Variants in GTF3C1 observed in about 807,000 individuals in gnomAD.
GTF3C1 encodes the protein general transcription factor 3C polypeptide 1.
A neutral mutation model predicts 226.7 loss-of-function variants in GTF3C1; 57 were observed. That is an observed-to-expected ratio of 0.25 (90% confidence interval 0.20 to 0.31). The LOEUF (loss-of-function observed/expected upper bound fraction) is 0.31, where lower values mean the gene tolerates loss of function less well. Ranked by LOEUF, GTF3C1 falls within the 10% of genes least tolerant of loss-of-function variation. The pLI is 1.00. For synonymous variants in GTF3C1, 1,090 were observed against 1,084.8 expected, an observed-to-expected ratio of 1.00 and a Z score of -0.09; for missense variants, 2,217 against 2,776.1, an observed-to-expected ratio of 0.80 and a Z score of 4.53.
chr16:27,505,862 T>C (rs757977672), intron 10 of GTF3C1, 37 bp downstream of exon 10: 2 of 1,159,458 alleles, frequency 1.7e-6, no homozygotes, highest in Non-Finnish European at 2.6e-6. Context: ...CACAGACTCC[T>C]TCTTGGAGAC....
In GTF3C1 at chr16:27,461,309, G is replaced by T; in HGVS notation, c.*41C>A. 2 of 1,311,306 alleles carry T rather than the reference G, an allele frequency of 1.5e-6. No individual in the cohort carries two copies. Among genetic ancestry groups the T allele is most frequent in the Non-Finnish European group, 2.2e-6 (2 of 920,296 alleles). The allele number at this position is 1,311,306 out of a possible 1,614,324, so 81.2% of individuals were successfully genotyped here. A position where few individuals can be genotyped will look rare whatever the true frequency, so the allele number is the denominator to read the frequency against. On this transcript the variant is annotated 3_prime_UTR_variant, in exon 37 of 37. Transcript: ENST00000356183. The surrounding 1 kb of genome is among the most constrained non-coding windows in gnomAD (Gnocchi z 5.3). ...GCCGAGCACCAGGCAGGAGTGGTGT[G>T]GCAGGCGGTGGCTGGGAGGGAGGGG...
chr16:27,511,638 C>T lies in GTF3C1; in HGVS notation c.1126+111G>A, dbSNP rs113717768. ...CCCTTCTGGGGAACCAAGGCACTTC[C>T]CATTGTATTACATTCTCTATAGCAG... On this transcript the variant is annotated intron_variant, in intron 7 of 36. Transcript: ENST00000356183. The T allele has an allele frequency of 1.8e-3, 2,069 of 1,167,676 alleles. 28 individuals are homozygous for T. In the African/African-American group the frequency reaches 0.028, roughly 16 times the overall value. 72.3% of individuals were successfully genotyped at this position (1,167,676 alleles called of 1,614,324 possible). A position where few individuals can be genotyped will look rare whatever the true frequency, so the allele number is the denominator to read the frequency against.
At chr16:27,543,175 C>A (rs2089113384) in intron 2 of GTF3C1, among the ~76,000 whole-genome samples, 1 of 152,158 alleles carries the variant, frequency 6.6e-6, no homozygotes, top group Admixed American at 6.5e-5. Context: ...CACCTGAGGT[C>A]AGGTGTTCAA....
At chr16:27,505,680 G>A (rs539078462) in intron 10 of GTF3C1, among the ~76,000 whole-genome samples, 9 of 152,322 alleles carry the variant, frequency 5.9e-5, no homozygotes, top group Admixed American at 5.9e-4. Context: ...AAGCCACTGG[G>A]TGGATAACCA....
At chr16:27,514,251 C>T (rs914583560) in intron 6 of GTF3C1, among the ~76,000 whole-genome samples, 17 of 152,354 alleles carry the variant, frequency 1.1e-4, no homozygotes, top group Non-Finnish European at 2.2e-4. Context: ...CTGCTGGCTC[C>T]CCGCCGGGGC....
chr16:27,532,482 C>T lies in GTF3C1; in HGVS notation c.849+809G>A, dbSNP rs116318662. On this transcript the variant is annotated intron_variant, in intron 5 of 36. Transcript: ENST00000356183. ...CATGTTGTTTTCCTCCCATCTCTAA[C>T]GTTGGCTCTTTCCTGACTTGCACTG... Among the ~76,000 whole-genome samples the T allele has an allele frequency of 6.7e-3, 1,017 of 152,342 alleles. 15 individuals carry two copies. The highest frequency in any genetic ancestry group is 0.023 in the African/African-American group (973 of 41,572).
intron 2 of GTF3C1, among the ~76,000 whole-genome samples, chr16:27,543,946 G>A (rs1000458928): frequency 1.3e-5 from 2 of 152,110 alleles, no homozygotes; most frequent in African/African-American, 4.8e-5. Context: ...GAGGTGAAGA[G>A]GGAGAAACAG....
At chr16:27,549,483 C>T (rs954541879) in intron 1 of GTF3C1, among the ~76,000 whole-genome samples, 187 bp downstream of exon 1, 2 of 152,188 alleles carry the variant, frequency 1.3e-5, no homozygotes, top group African/African-American at 4.8e-5. Flanking sequence ...CCGCCAACTC[C>T]ATCGGACTCC....
chr16:27,474,651 T>C (rs1026005287), intron 29 of GTF3C1, among the ~76,000 whole-genome samples: 8 of 152,218 alleles, frequency 5.3e-5, no homozygotes, highest in African/African-American at 1.9e-4. Flanking sequence ...GACTGTTTAT[T>C]TGGAACTTCA....
chr16:27,520,176 G>A (rs942279506), intron 6 of GTF3C1, among the ~76,000 whole-genome samples: 1 of 152,152 alleles, frequency 6.6e-6, no homozygotes, highest in South Asian at 2.1e-4. Context: ...GAGTGCAGTG[G>A]CGTGATCGGC....
intron 22 of GTF3C1, 22 bp downstream of exon 22, chr16:27,488,532 G>A: frequency 6.2e-7 from 1 of 1,604,392 alleles, no homozygotes; most frequent in Non-Finnish European, 8.5e-7. Context: ...TAACTTCTGG[G>A]GTGAACTCCC....
At chr16:27,546,006 G>A (rs2089156506) in intron 1 of GTF3C1, among the ~76,000 whole-genome samples, 1 of 151,978 alleles carries the variant, frequency 6.6e-6, no homozygotes, top group Non-Finnish European at 1.5e-5. Context: ...GTGCCACCAC[G>A]CCCGGCTAAT....
At chr16:27,480,736 T>G in intron 27 of GTF3C1, 1 of 259,616 alleles carries the variant, frequency 3.9e-6, no homozygotes. Context: ...CCCTCCTATG[T>G]TCAAATCCTG....
chr16:27,476,410 G>T, intron 29 of GTF3C1, 41 bp downstream of exon 29: 1 of 1,281,334 alleles, frequency 7.8e-7, no homozygotes, highest in Non-Finnish European at 1.1e-6. Flanking sequence ...GCCTCGGAAG[G>T]GCCCACATCC....
intron 7 of GTF3C1, among the ~76,000 whole-genome samples, chr16:27,510,794 C>T (rs77447649): frequency 6.6e-6 from 1 of 152,146 alleles, no homozygotes; most frequent in Non-Finnish European, 1.5e-5. Flanking sequence ...GTTAGGGGAC[C>T]TGGGGGAAGG....
chr16:27,466,358 T>C (rs1415545352), intron 32 of GTF3C1: 2 of 152,238 alleles, frequency 1.3e-5, no homozygotes, highest in African/African-American at 4.8e-5. Flanking sequence ...CAGTGATCTT[T>C]GCCCTTACTA....
intron 1 of GTF3C1, among the ~76,000 whole-genome samples, chr16:27,546,650 G>A (rs779105510): frequency 6.6e-6 from 1 of 151,908 alleles, no homozygotes; most frequent in Non-Finnish European, 1.5e-5. Flanking sequence ...TGCTTGTCGA[G>A]TTTTATTTTG....
chr16:27,530,473 G>A (rs560893021), intron 5 of GTF3C1, among the ~76,000 whole-genome samples: 6 of 152,288 alleles, frequency 3.9e-5, no homozygotes, highest in Middle Eastern at 3.4e-3. Flanking sequence ...CCAGCAGAAA[G>A]AGAAAGAGGC....
chr16:27,498,572 G>A, intron 13 of GTF3C1, 58 bp downstream of exon 13: 1 of 855,762 alleles, frequency 1.2e-6, no homozygotes, highest in Non-Finnish European at 2.1e-6. Context: ...GATTGCTGTA[G>A]GCTGACACAC....
Sources: allele counts gnomAD v4.1 joint callset (sites outside exome capture counted in the v4.1 genomes callset), GRCh38; gene constraint gnomAD v4.1.1; non-coding constraint Gnocchi (gnomAD v3.1); transcripts MANE v1.5; gene names NCBI Gene and HGNC (gene_info 2026-07-23, HGNC 2026-07-21).